Variants in NTM observed in about 807,000 individuals in gnomAD.
NTM encodes IgLON family member 2.
Under a neutral mutation model 42.1 loss-of-function variants are expected in NTM, and 13 were observed. The ratio of observed to expected loss-of-function variants is 0.31; its 90% CI spans 0.20 to 0.49. The LOEUF (loss-of-function observed/expected upper bound fraction) is 0.49. Among genes scored for constraint, NTM ranks in the 20% least tolerant of loss-of-function variants. NTM has a pLI of 0.99. For synonymous variants in NTM, 187 were observed against 179.2 expected (o/e 1.04, Z -0.35); for missense variants, 373 against 452.8 (o/e 0.82, Z 1.60).
intron 4 of NTM, among the ~76,000 whole-genome samples, chr11:132,212,408 T>C (rs1205419541): frequency 1.3e-5 from 2 of 152,202 alleles, no homozygotes; most frequent in Non-Finnish European, 2.9e-5. Flanking sequence ...GAAATGGTGG[T>C]AAGGTGTTCT....
chr11:132,206,794 A>C (rs1025229763), intron 3 of NTM, among the ~76,000 whole-genome samples: 1 of 151,900 alleles, frequency 6.6e-6, no homozygotes, highest in African/African-American at 2.4e-5. Flanking sequence ...CCTAAAATAA[A>C]CTCCAATTTG....
intron 2 of NTM, among the ~76,000 whole-genome samples, chr11:132,027,319 A>G (rs2075317260): frequency 6.6e-6 from 1 of 152,252 alleles, no homozygotes; most frequent in African/African-American, 2.4e-5. Flanking sequence ...AATCCCTGAT[A>G]AATAAAAATG....
intron 1 of NTM, among the ~76,000 whole-genome samples, chr11:131,888,280 G>A (rs1038643158): frequency 6.6e-6 from 1 of 152,052 alleles, no homozygotes; most frequent in African/African-American, 2.4e-5. Context: ...CAGCCTCGGC[G>A]ACAGAGTGAG....
At chr11:131,878,027 C>A (rs970305180) in intron 1 of NTM, 7 of 152,182 alleles carry the variant, frequency 4.6e-5, no homozygotes, top group African/African-American at 1.7e-4. Flanking sequence ...TCCTTGAAAG[C>A]ATTTTCTTTT....
At chr11:131,635,895 A>T (rs1489854368) in intron 1 of NTM, among the ~76,000 whole-genome samples, 1 of 152,060 alleles carries the variant, frequency 6.6e-6, no homozygotes, top group African/African-American at 2.4e-5. Context: ...GTTTTGTTAT[A>T]TTTAGATACA....
At chr11:131,789,513 A>G (rs1158160135) in intron 1 of NTM, among the ~76,000 whole-genome samples, 10 of 17,412 alleles carry the variant, frequency 5.7e-4, no homozygotes, top group East Asian at 3.7e-3. Context: ...GAAGAAGAAG[A>G]AGAAGAAGAA....
intron 1 of NTM, among the ~76,000 whole-genome samples, chr11:131,685,678 C>A (rs141378894): frequency 0.012 from 1,879 of 152,232 alleles, 28 homozygotes; most frequent in Admixed American, 0.017. Flanking sequence ...TCTCTCCTTA[C>A]CTTTTTTTAA....
chr11:132,146,731 C>T lies in NTM; in HGVS notation c.400+217C>T. 4 of 468,538 alleles carry T rather than the reference C, an allele frequency of 8.5e-6. No homozygotes were observed. The South Asian group carries it at 1.6e-4, about 19-fold the overall frequency. 29.0% of individuals were successfully genotyped at this position (468,538 alleles called of 1,614,324 possible). On this transcript the variant is annotated intron_variant, in intron 3 of 8. Coordinates refer to ENST00000683400, the MANE Select transcript of NTM (RefSeq NM_001352005.2). This position sits in a 1 kb window ranked among gnomAD's most constrained non-coding sequence, Gnocchi z 4.5. The stretch of plus-strand genomic sequence containing the variant: ...GGAATTGTTTTTTTCATTTTTGTTC[C>T]AATAATATATTTTCTCAGGAAATTA...
chr11:132,046,536 A>C (rs751272879), intron 2 of NTM, among the ~76,000 whole-genome samples: 12 of 152,200 alleles, frequency 7.9e-5, no homozygotes, highest in Non-Finnish European at 1.5e-4. Context: ...TATGCAAAGA[A>C]ATTTTAATGC....
chr11:131,974,333 ACTTATTC>A (rs1261165411), intron 2 of NTM, among the ~76,000 whole-genome samples: 2 of 152,216 alleles, frequency 1.3e-5, no homozygotes, highest in African/African-American at 4.8e-5. Flanking sequence ...GTCTGTGATA[ACTTATTC>A]CTTACCCAAA....
intron 1 of NTM, chr11:131,535,212 A>C (rs1196121952): frequency 6.6e-6 from 1 of 152,238 alleles, no homozygotes; most frequent in Non-Finnish European, 1.5e-5. Context: ...TTGATTGCCT[A>C]CTGTGAGTCA....
intron 2 of NTM, chr11:131,921,964 A>G (rs1464586697): frequency 1.3e-5 from 2 of 152,474 alleles, no homozygotes; most frequent in Non-Finnish European, 2.9e-5. Flanking sequence ...CCTCTTCCTC[A>G]TCCTCCAAAC....
chr11:131,889,812 G>A (rs187330989), intron 1 of NTM, among the ~76,000 whole-genome samples: 24 of 152,226 alleles, frequency 1.6e-4, no homozygotes, highest in South Asian at 6.2e-4. Flanking sequence ...GCACTGTAGC[G>A]CCCCTCTTTT....
intron 3 of NTM, among the ~76,000 whole-genome samples, chr11:132,173,083 A>G (rs1219022855): frequency 1.3e-5 from 2 of 152,224 alleles, no homozygotes; most frequent in Non-Finnish European, 2.9e-5. Flanking sequence ...AGTGAGGTCA[A>G]GTAATGTTTG....
In NTM at chr11:131,857,327, T is replaced by G. The variant is rs375571139; in HGVS notation, c.83-54237T>G. Among the ~76,000 whole-genome samples the G allele has an allele frequency of 2.6e-5, 4 of 152,340 alleles. No individual in the cohort carries two copies. In the East Asian group the frequency reaches 5.8e-4, roughly 22 times the overall value. ...TTGATTCCCTTCCCCGAATATGCCT[T>G]GCCTTCCATGGCTGTGTCCTTTCTC... On this transcript the variant is annotated intron_variant, in intron 1 of 8. Coordinates refer to ENST00000683400, the MANE Select transcript of NTM (RefSeq NM_001352005.2).
chr11:132,069,983 T>A (rs1360366277), intron 2 of NTM, among the ~76,000 whole-genome samples: 1 of 131,688 alleles, frequency 7.6e-6, no homozygotes, highest in Admixed American at 7.6e-5. Flanking sequence ...AAACTGACGA[T>A]CACAGGTTAG....
chr11:131,766,456 C>T (rs761404160), intron 1 of NTM, among the ~76,000 whole-genome samples: 2 of 152,044 alleles, frequency 1.3e-5, no homozygotes, highest in Non-Finnish European at 2.9e-5. Context: ...CGAGGGAGAG[C>T]CAGCTTGTCA....
chr11:131,391,577 T>C (rs1591539477), intron 1 of NTM, among the ~76,000 whole-genome samples: 1 of 1,658 alleles, frequency 6.0e-4, no homozygotes, highest in Middle Eastern at 0.1. Context: ...TGACAAGTCT[T>C]TTTTTTTTTT....
At chr11:131,386,878 C>T (rs867160608) in intron 1 of NTM, among the ~76,000 whole-genome samples, 1 of 152,152 alleles carries the variant, frequency 6.6e-6, no homozygotes, top group Non-Finnish European at 1.5e-5. Context: ...TGATTCTGCT[C>T]CTACCATTTA....
Sources: gnomAD v4.1 joint callset for allele counts (sites outside exome capture counted in the v4.1 genomes callset) on GRCh38, gnomAD v4.1.1 for gene constraint, Gnocchi (gnomAD v3.1) non-coding constraint, MANE v1.5 for transcripts, NCBI Gene and HGNC (gene_info 2026-07-23, HGNC 2026-07-21) for gene names.